Variants in ZKSCAN7 observed in about 807,000 individuals in gnomAD.
The protein encoded by ZKSCAN7 is zinc finger protein with KRAB and SCAN domains 7.
Under a neutral mutation model 65.3 loss-of-function variants are expected in ZKSCAN7, and 38 were observed. The observed-to-expected ratio is 0.58, with a 90% CI of 0.45 to 0.76. ZKSCAN7 has a LOEUF of 0.76. ZKSCAN7 is among the 30% of genes least tolerant of loss of function. The pLI, the probability that ZKSCAN7 is intolerant of heterozygous loss-of-function variation, is 0.00. For synonymous variants in ZKSCAN7, 321 were observed against 321.0 expected, an observed-to-expected ratio of 1.00 and a Z score of 0.00; for missense variants, 815 against 913.3, an observed-to-expected ratio of 0.89 and a Z score of 1.39.
intron 5 of ZKSCAN7, chr3:44,579,860 C>G (rs1042130432): frequency 1.6e-5 from 25 of 1,610,402 alleles, no homozygotes; most frequent in Admixed American, 1.2e-4. Context: ...AGTCAGCCAG[C>G]CTTTCTTGAA....
chr3:44,568,228 C>T, intron 4 of ZKSCAN7, 79 bp from the exon 5 acceptor site: 1 of 1,572,370 alleles, frequency 6.4e-7, no homozygotes, highest in Non-Finnish European at 8.6e-7. Flanking sequence ...AGAGCCCATA[C>T]CCTGTGCCCT....
At chr3:44,568,118 C>A in intron 4 of ZKSCAN7, 115 bp downstream of exon 4, 2 of 1,530,662 alleles carry the variant, frequency 1.3e-6, no homozygotes, top group South Asian at 1.2e-5. Context: ...GGCTCTCCTG[C>A]CTCATTACTT....
intron 3 of ZKSCAN7, 21 bp downstream of exon 3, chr3:44,565,676 G>C: frequency 6.4e-7 from 1 of 1,556,310 alleles, no homozygotes; most frequent in Non-Finnish European, 8.7e-7. Flanking sequence ...CCCCAGCTTT[G>C]GCCTTAAGTC....
intron 2 of ZKSCAN7, among the ~76,000 whole-genome samples, chr3:44,558,782 A>ATTTT (rs35709621): frequency 0.033 from 3,056 of 92,576 alleles, 96 homozygotes; most frequent in African/African-American, 0.077. Context: ...TTTCTTCTTC[A>ATTTT]TTTTTTTTTT....
At chr3:44,579,239 A>G (rs1457466404) in intron 5 of ZKSCAN7, among the ~76,000 whole-genome samples, 6 of 152,172 alleles carry the variant, frequency 3.9e-5, no homozygotes, top group Non-Finnish European at 8.8e-5. Flanking sequence ...TGTGGCGTCC[A>G]GCATCCCGAA....
chr3:44,560,754 C>T (rs1351323889), intron 2 of ZKSCAN7, among the ~76,000 whole-genome samples: 2 of 152,080 alleles, frequency 1.3e-5, no homozygotes, highest in South Asian at 2.1e-4. Flanking sequence ...ATGATCCTCC[C>T]GCCTCGTTCT....
downstream of ZKSCAN7, among the ~76,000 whole-genome samples, chr3:44,572,589 C>G (rs540075103): frequency 2.0e-5 from 3 of 152,108 alleles, no homozygotes; most frequent in South Asian, 2.1e-4. Flanking sequence ...GTGGCTCACG[C>G]CTGTAATCCC....
Position 44,570,059 on chromosome 3 carries a change from G to A in ZKSCAN7, c.949G>A (p.Asp317Asn). The A allele has an allele frequency of 6.2e-7, 1 of 1,614,022 alleles. No homozygotes were observed. Among genetic ancestry groups the A allele is most frequent in the Non-Finnish European group, 8.5e-7 (1 of 1,179,992 alleles). ...GAAETGDVCE[D>N]TFKELEGQTS... ...AGCAGAGACTGGAGATGTTTGTGAA[G>A]ATACTTTCAAGGAGTTAGAAGGACA... The change falls in exon 6 of 6, where the codon GAT becomes AAT. Residue 317 changes from aspartate to asparagine, a missense_variant. Coordinates refer to ENST00000426540, the MANE Select transcript of ZKSCAN7 (RefSeq NM_001288590.2).
rs1388628142 is a variant in ZKSCAN7, at chr3:44,570,828, A to G, written c.1718A>G (p.His573Arg). 11 of 1,614,228 alleles carry G rather than the reference A, an allele frequency of 6.8e-6. No individual in the cohort carries two copies. Among genetic ancestry groups the G allele is most frequent in the Non-Finnish European group, 9.3e-6 (11 of 1,180,044 alleles). The change falls in exon 6 of 6, where the codon CAT becomes CGT. Residue 573 changes from histidine to arginine, a missense_variant. Coordinates refer to ENST00000426540, the MANE Select transcript of ZKSCAN7 (RefSeq NM_001288590.2). Reference sequence around the variant, plus strand: ...TGTCTTATTCGACATCAGAGCCTCCATACTGGGGAAAAGCCATACAAATGT... The same window carrying G: ...TGTCTTATTCGACATCAGAGCCTCCGTACTGGGGAAAAGCCATACAAATGT... ...SKCLIRHQSL[H>R]TGEKPYKCSE... is the part of the protein sequence containing the mutation.
chr3:44,558,099 A>T (rs2125708490), intron 2 of ZKSCAN7, among the ~76,000 whole-genome samples: 1 of 152,334 alleles, frequency 6.6e-6, no homozygotes, highest in East Asian at 1.9e-4. Context: ...TTCTAGGACC[A>T]TAGAGCCAAC....
intron 5 of ZKSCAN7, among the ~76,000 whole-genome samples, chr3:44,569,299 C>T (rs912648382): frequency 1.3e-5 from 2 of 152,322 alleles, no homozygotes; most frequent in East Asian, 3.9e-4. Flanking sequence ...AACACTGGGG[C>T]AGAACAGTTT....
chr3:44,580,178 CG>C lies in ZKSCAN7; in HGVS notation c.812-2789del, dbSNP rs1700036445. ...TGCTGGGGCTGGGAGGGGAGAGCGG[CG>C]GGGGCAGCTGCTGTTCTTCGGCCTT... On this transcript the variant is annotated intron_variant, in intron 5 of 5. Transcript: ENST00000341840. 36 of 1,608,318 alleles carry C rather than the reference CG, an allele frequency of 2.2e-5. 1 individual carries two copies. The South Asian group carries it at 3.2e-4, about 14-fold the overall frequency.
In ZKSCAN7 at chr3:44,571,020, G is replaced by A; in HGVS notation, c.1910G>A (p.Cys637Tyr). Residue 637 changes from cysteine to tyrosine, a missense_variant, in exon 6 of 6, where the codon TGC becomes TAC. Transcript: ENST00000426540. The stretch of plus-strand genomic sequence containing the variant: ...CACACGGGTGAAAAGCCCTATAAAT[G>A]CAATGAGTGTGGAAAATCCTTCAAT... ...RLHTGEKPYK[C>Y]NECGKSFNQN... 2 of 1,614,178 alleles carry A rather than the reference G, an allele frequency of 1.2e-6. No individual in the cohort carries two copies. The highest frequency in any genetic ancestry group is 2.2e-5 in the South Asian group (2 of 91,078).
At chr3:44,567,268 GGGAA>G (rs1268377147) in intron 3 of ZKSCAN7, among the ~76,000 whole-genome samples, 11 of 152,036 alleles carry the variant, frequency 7.2e-5, no homozygotes, top group Non-Finnish European at 1.6e-4. Flanking sequence ...AGTGAAGGAA[GGGAA>G]GGAAGGAAAG....
chr3:44,572,979 G>A (rs181519064), downstream of ZKSCAN7, among the ~76,000 whole-genome samples: 65 of 151,970 alleles, frequency 4.3e-4, 1 homozygote, highest in African/African-American at 1.5e-3. Context: ...TCACTATGAC[G>A]AGGCTTGTGG....
At chr3:44,569,568 CT>C (rs1317357759) in intron 5 of ZKSCAN7, among the ~76,000 whole-genome samples, 1 of 152,174 alleles carries the variant, frequency 6.6e-6, no homozygotes, top group African/African-American at 2.4e-5. Context: ...TGGAAGGGAT[CT>C]TAGAGTTCAT....
At chr3:44,576,269 A>G (rs1429369790), downstream of ZKSCAN7, among the ~76,000 whole-genome samples, 2 of 152,120 alleles carry the variant, frequency 1.3e-5, no homozygotes, top group Admixed American at 6.5e-5. Flanking sequence ...CTTTTTCCAT[A>G]TATAGTCATA....
At chr3:44,580,335 C>T in intron 5 of ZKSCAN7, 1 of 1,612,684 alleles carries the variant, frequency 6.2e-7, no homozygotes, top group East Asian at 2.2e-5. Flanking sequence ...CCGCAGGGAG[C>T]TGGCAGCAGG....
chr3:44,573,324 A>AGGAGGAGGCT (rs1699858236), downstream of ZKSCAN7, among the ~76,000 whole-genome samples: 1 of 152,200 alleles, frequency 6.6e-6, no homozygotes, highest in Non-Finnish European at 1.5e-5. Flanking sequence ...GACAGAGTAG[A>AGGAGGAGGCT]GGAGGAGGCT....
Sources: allele counts gnomAD v4.1 joint callset (sites outside exome capture counted in the v4.1 genomes callset), GRCh38; gene constraint gnomAD v4.1.1; transcripts MANE v1.5; gene names NCBI Gene and HGNC (gene_info 2026-07-23, HGNC 2026-07-21).